The following UBE2L3 variants were observed in gnomAD, a reference collection of about 807,000 sequenced individuals.
UBE2L3 encodes ubiquitin-conjugating enzyme E2 L3.
Under a neutral mutation model 17.8 loss-of-function variants are expected in UBE2L3, and 1 was observed. The observed-to-expected ratio is 0.06, with a 90% CI of 0.02 to 0.27. The LOEUF (loss-of-function observed/expected upper bound fraction) is 0.27, where lower values mean the gene tolerates loss of function less well. UBE2L3 is among the 10% of genes least tolerant of loss of function. UBE2L3 has a pLI of 1.00. For missense variants in UBE2L3, 40 were observed against 192.6 expected (o/e 0.21, Z 4.69); for synonymous variants, 44 against 68.5 (o/e 0.64, Z 1.76).
At chr22:21,555,659 C>CTG (rs1340870983) in intron 1 of UBE2L3, among the ~76,000 whole-genome samples, 1 of 151,856 alleles carries the variant, frequency 6.6e-6, no homozygotes, top group Admixed American at 6.6e-5. Context: ...AGGCTGGGCG[C>CTG]TGTGACTCAT....
intron 2 of UBE2L3, among the ~76,000 whole-genome samples, chr22:21,607,134 C>T (rs1376281580): frequency 6.6e-6 from 1 of 152,170 alleles, no homozygotes; most frequent in Non-Finnish European, 1.5e-5. Flanking sequence ...CCTTGCTCCC[C>T]AGCAGAGGAG....
intron 3 of UBE2L3, chr22:21,614,615 T>G: frequency 2.2e-6 from 3 of 1,367,418 alleles, no homozygotes; most frequent in Non-Finnish European, 2.9e-6. Context: ...TTCTTTGACC[T>G]CCTCAATTCA....
intron 1 of UBE2L3, among the ~76,000 whole-genome samples, chr22:21,553,015 C>T (rs1380696108): frequency 2.5e-5 from 1 of 40,216 alleles, no homozygotes; most frequent in Admixed American, 1.9e-4. Flanking sequence ...CGTGAGCCAC[C>T]GCGCATGGCC....
At chr22:21,555,514 A>G (rs1601379174) in intron 1 of UBE2L3, 1 of 154,560 alleles carries the variant, frequency 6.5e-6, no homozygotes, top group African/African-American at 2.4e-5. Context: ...AATCCCAGCT[A>G]CTCGGGAGGC....
At chr22:21,606,769 A>G (rs1460495186) in intron 2 of UBE2L3, among the ~76,000 whole-genome samples, 2 of 152,112 alleles carry the variant, frequency 1.3e-5, no homozygotes, top group East Asian at 1.9e-4. Context: ...GGATTGCTAG[A>G]GCCCGGGAAG....
rs117310303 is a variant in UBE2L3 at position 21,620,349 on chromosome 22, C to G, written c.311-1166C>G. On this transcript the variant is annotated intron_variant, in intron 3 of 3. Transcript: ENST00000342192. Reference sequence around the variant, plus strand: ...GCTGAGGCAGGAGGATCATTTACACCCAGGAGTTTGAGGGTACCGTGCAGT... The same window carrying G: ...GCTGAGGCAGGAGGATCATTTACACGCAGGAGTTTGAGGGTACCGTGCAGT... 2.4e-4 allele frequency among the ~76,000 whole-genome samples: 36 copies of G among 152,118 alleles called. No individual in the cohort carries two copies. In the East Asian group the frequency reaches 5.6e-3, roughly 24 times the overall value.
intron 1 of UBE2L3, among the ~76,000 whole-genome samples, chr22:21,587,638 C>T (rs951643850): frequency 2.6e-5 from 4 of 152,198 alleles, no homozygotes; most frequent in Non-Finnish European, 5.9e-5. Flanking sequence ...CAGGTGTGTA[C>T]ATCTGAGCTG....
upstream of UBE2L3, among the ~76,000 whole-genome samples, chr22:21,563,844 G>C (rs968028943): frequency 1.3e-5 from 2 of 151,564 alleles, no homozygotes; most frequent in Non-Finnish European, 2.9e-5. Context: ...CAAAGTGCTG[G>C]GATTACAGGT....
At chr22:21,567,484 T>G, upstream of UBE2L3, 1 of 663,242 alleles carries the variant, frequency 1.5e-6, no homozygotes, top group Non-Finnish European at 2.4e-6. Flanking sequence ...GCAATCAGTA[T>G]TTATTATGCT....
At chr22:21,557,107 G>A (rs1483867069) in intron 1 of UBE2L3, among the ~76,000 whole-genome samples, 2 of 152,258 alleles carry the variant, frequency 1.3e-5, no homozygotes, top group Non-Finnish European at 2.9e-5. Context: ...GCTCATGCCT[G>A]TAATTCCACC....
At chr22:21,593,620 C>T (rs1456124942) in intron 2 of UBE2L3, among the ~76,000 whole-genome samples, 3 of 152,158 alleles carry the variant, frequency 2.0e-5, no homozygotes, top group Non-Finnish European at 2.9e-5. Flanking sequence ...CTTTGATCCC[C>T]TCCCCTTCAA....
intron 2 of UBE2L3, among the ~76,000 whole-genome samples, chr22:21,606,325 GT>G (rs1929165194): frequency 6.6e-6 from 1 of 152,078 alleles, no homozygotes; most frequent in African/African-American, 2.4e-5. Context: ...ATGTGTGTGT[GT>G]GTGTGGTGTG....
intron 1 of UBE2L3, among the ~76,000 whole-genome samples, chr22:21,558,002 G>A (rs1256080961): frequency 1.8e-4 from 27 of 150,610 alleles, no homozygotes; most frequent in Non-Finnish European, 3.0e-4. Flanking sequence ...TCCCTGACCC[G>A]GAGAGAAGGC....
rs561680676 is a variant in UBE2L3 at position 21,618,987 on chromosome 22, C to A, written c.311-2528C>A. ...TCCTGAGCGTGCCCCTAACGAAGTA[C>A]TCAGCCTGTCCTTAGCCCAGTGAGG... is the stretch of plus-strand genomic sequence containing the variant. On this transcript the variant is annotated intron_variant, in intron 3 of 3. Transcript: ENST00000342192. 2.6e-5 allele frequency among the ~76,000 whole-genome samples: 4 copies of A among 152,268 alleles called. No homozygotes were observed. The South Asian group carries it at 8.3e-4, about 32-fold the overall frequency.
chr22:21,586,416 C>T lies in UBE2L3; in HGVS notation c.28-6445C>T, dbSNP rs559355851. ...GAGTAGCTGAGACTATATATAGGTG[C>T]ACGCCACCATGCCCAGCTAATTTTT... is the stretch of plus-strand genomic sequence containing the variant. On this transcript the variant is annotated intron_variant, in intron 1 of 3. Coordinates refer to ENST00000342192, the MANE Select transcript of UBE2L3 (RefSeq NM_003347.4). 1.2e-4 allele frequency among the ~76,000 whole-genome samples: 18 copies of T among 152,068 alleles called. No individual in the cohort carries two copies. In the South Asian group the frequency reaches 3.8e-3, roughly 32 times the overall value.
At chr22:21,621,108 C>T (rs894784652) in intron 3 of UBE2L3, among the ~76,000 whole-genome samples, 3 of 152,100 alleles carry the variant, frequency 2.0e-5, no homozygotes, top group African/African-American at 7.2e-5. Flanking sequence ...GTTGAGGCTG[C>T]AGTGAGCCAA....
At chr22:21,583,576 C>A (rs966767379) in intron 1 of UBE2L3, among the ~76,000 whole-genome samples, 1 of 152,220 alleles carries the variant, frequency 6.6e-6, no homozygotes, top group African/African-American at 2.4e-5. Flanking sequence ...TCACCTGCTC[C>A]TGGCACTGAC....
At chr22:21,559,883 A>G (rs1247025282) in intron 1 of UBE2L3, among the ~76,000 whole-genome samples, 6 of 152,294 alleles carry the variant, frequency 3.9e-5, no homozygotes, top group Non-Finnish European at 8.8e-5. Context: ...TTCATCCCCC[A>G]GCACTGGATG....
chr22:21,596,205 T>C (rs1008412304), intron 2 of UBE2L3, among the ~76,000 whole-genome samples: 7 of 152,040 alleles, frequency 4.6e-5, no homozygotes, highest in Non-Finnish European at 7.4e-5. Context: ...TTCATAATAA[T>C]GTTTTGGTTT....
Sources: allele counts gnomAD v4.1 joint callset (sites outside exome capture counted in the v4.1 genomes callset), GRCh38; gene constraint gnomAD v4.1.1; transcripts MANE v1.5; gene names NCBI Gene and HGNC (gene_info 2026-07-23, HGNC 2026-07-21).